The following KSR2 variants were observed in gnomAD, a reference collection of about 807,000 sequenced individuals.
The protein encoded by KSR2 is kinase suppressor of ras 2.
In KSR2, 25 loss-of-function variants were observed where a neutral mutation model predicts 107.8. The ratio of observed to expected loss-of-function variants is 0.23; its 90% CI spans 0.17 to 0.32. The LOEUF (loss-of-function observed/expected upper bound fraction) is 0.32. KSR2 is among the 10% of genes least tolerant of loss of function. KSR2 has a pLI of 1.00. For synonymous variants in KSR2, 480 were observed against 507.0 expected, an observed-to-expected ratio of 0.95 and a Z score of 0.71; for missense variants, 887 against 1,268.9, an observed-to-expected ratio of 0.70 and a Z score of 4.57.
intron 14 of KSR2, among the ~76,000 whole-genome samples, chr12:117,507,918 G>A (rs554562042): frequency 4.9e-4 from 75 of 152,106 alleles, no homozygotes; most frequent in African/African-American, 1.6e-3. Context: ...CCCTGTCCCC[G>A]TGGCCCAAGC....
chr12:117,831,387 T>C (rs1028155997), intron 3 of KSR2, among the ~76,000 whole-genome samples: 3 of 152,230 alleles, frequency 2.0e-5, no homozygotes, highest in Admixed American at 6.5e-5. Context: ...AGGGCACCTC[T>C]TCTTTGCCTC....
At chr12:117,616,003 A>G (rs535349260) in intron 5 of KSR2, among the ~76,000 whole-genome samples, 1 of 151,998 alleles carries the variant, frequency 6.6e-6, no homozygotes, top group South Asian at 2.1e-4. Context: ...AAAACACAAA[A>G]CTTAGCTAGG....
chr12:117,469,053 G>A (rs1343246883), intron 19 of KSR2, among the ~76,000 whole-genome samples: 2 of 152,184 alleles, frequency 1.3e-5, no homozygotes, highest in Non-Finnish European at 2.9e-5. Flanking sequence ...AGTCATGGAA[G>A]CTGGGGCTGT....
intron 5 of KSR2, among the ~76,000 whole-genome samples, chr12:117,588,884 T>G (rs186626698): frequency 6.6e-6 from 1 of 152,334 alleles, no homozygotes; most frequent in East Asian, 1.9e-4. Context: ...AGTGGGATAA[T>G]GCACACAGAG....
At chr12:117,495,007 A>G (rs529787102) in intron 14 of KSR2, among the ~76,000 whole-genome samples, 1 of 152,342 alleles carries the variant, frequency 6.6e-6, no homozygotes, top group African/African-American at 2.4e-5. Flanking sequence ...GCTACTCTCT[A>G]CAGGTGTTTG....
intron 3 of KSR2, among the ~76,000 whole-genome samples, chr12:117,784,616 C>A (rs1890000407): frequency 6.6e-6 from 1 of 152,132 alleles, no homozygotes; most frequent in Non-Finnish European, 1.5e-5. Context: ...ATCTTTAAGT[C>A]CATTGCACCC....
At chr12:117,746,886 C>T (rs988373208) in intron 4 of KSR2, among the ~76,000 whole-genome samples, 2 of 151,842 alleles carry the variant, frequency 1.3e-5, no homozygotes, top group Non-Finnish European at 2.9e-5. Context: ...AATGAGATAC[C>T]ATCTCATGCC....
intron 3 of KSR2, among the ~76,000 whole-genome samples, chr12:117,847,080 A>G (rs929106745): frequency 2.6e-5 from 4 of 152,276 alleles, no homozygotes; most frequent in Non-Finnish European, 4.4e-5. Flanking sequence ...CCTACAGAAC[A>G]GGAGGGCTGG....
intron 5 of KSR2, among the ~76,000 whole-genome samples, chr12:117,656,976 A>AT (rs1266595107): frequency 2.6e-4 from 19 of 72,938 alleles, no homozygotes; most frequent in African/African-American, 3.4e-4. Flanking sequence ...ATATATATAT[A>AT]ATAGGATATA....
At chr12:117,636,781 A>G (rs911129511) in intron 5 of KSR2, among the ~76,000 whole-genome samples, 1 of 152,238 alleles carries the variant, frequency 6.6e-6, no homozygotes, top group African/African-American at 2.4e-5. Context: ...TTAAAAGTCA[A>G]CACCATAAAG....
intron 7 of KSR2, among the ~76,000 whole-genome samples, chr12:117,577,529 G>A (rs1879358886): frequency 6.6e-6 from 1 of 152,130 alleles, no homozygotes; most frequent in African/African-American, 2.4e-5. Context: ...TTATGCTGCT[G>A]ATAAAGACAT....
At chr12:117,674,271 CCTT>C (rs761124464) in intron 4 of KSR2, 5 of 507,346 alleles carry the variant, frequency 9.9e-6, no homozygotes, top group Non-Finnish European at 1.6e-5. Flanking sequence ...CAAGCCACCA[CCTT>C]CTTCTCACCT....
At position 117,865,195 on chromosome 12, in the gene KSR2, T is replaced by TG. The variant is rs1312647822; in HGVS notation, c.181-4765dup. ...TTTAAAGTACAGGTTACAGTTATAC[T>TG]GCAAGATAATGTACTTTTAATCGGA... is the stretch of plus-strand genomic sequence containing the variant. On this transcript the variant is annotated intron_variant, in intron 1 of 19. Coordinates refer to ENST00000339824, the MANE Select transcript of KSR2 (RefSeq NM_173598.6). 1.2e-4 allele frequency among the ~76,000 whole-genome samples: 18 copies of TG among 152,356 alleles called. No homozygotes were observed. The East Asian group carries it at 1.9e-3, about 16-fold the overall frequency.
At chr12:117,915,506 T>A (rs183917437) in intron 1 of KSR2, among the ~76,000 whole-genome samples, 1 of 152,310 alleles carries the variant, frequency 6.6e-6, no homozygotes, top group East Asian at 1.9e-4. Context: ...TGACAGTCCA[T>A]TCGTTCCTTT....
In KSR2 at chr12:117,466,864, T is replaced by A. The variant is rs375470614; in HGVS notation, c.*335A>T. The A allele has an allele frequency of 3.6e-4, 110 of 307,428 alleles. No individual in the cohort carries two copies. The highest frequency in any genetic ancestry group is 2.2e-3 in the African/African-American group (102 of 46,718). The allele number at this position is 307,428 out of a possible 1,614,324, so 19.0% of individuals were successfully genotyped here. ...AGCCCCGTCTGTGAGCCCCCCCACG[T>A]GGGGTCTCCTGTCCTAGTCCCATAG... On this transcript the variant is annotated 3_prime_UTR_variant, in exon 20 of 20. Transcript: ENST00000339824.
At chr12:117,573,016 G>T (rs867485155) in intron 7 of KSR2, among the ~76,000 whole-genome samples, 8 of 152,312 alleles carry the variant, frequency 5.3e-5, no homozygotes, top group African/African-American at 1.9e-4. Flanking sequence ...TACACTCAGA[G>T]CTAAACTCCA....
intron 8 of KSR2, among the ~76,000 whole-genome samples, chr12:117,557,668 G>C (rs1366016952): frequency 6.6e-6 from 1 of 152,184 alleles, no homozygotes; most frequent in Non-Finnish European, 1.5e-5. Flanking sequence ...TGGTGGGACT[G>C]AGTAATTAAA....
intron 4 of KSR2, among the ~76,000 whole-genome samples, chr12:117,719,391 T>G (rs548342780): frequency 3.9e-5 from 6 of 152,324 alleles, no homozygotes; most frequent in South Asian, 2.1e-4. Flanking sequence ...AGACAGGGTT[T>G]CACCATGTTG....
chr12:117,855,765 T>C (rs1893083575), intron 2 of KSR2, among the ~76,000 whole-genome samples, 187 bp from the exon 3 acceptor site: 2 of 152,156 alleles, frequency 1.3e-5, no homozygotes, highest in Admixed American at 1.3e-4. Flanking sequence ...TCAACCTCTC[T>C]GGGCCTCACT....
Sources: allele counts gnomAD v4.1 joint callset (sites outside exome capture counted in the v4.1 genomes callset), GRCh38; gene constraint gnomAD v4.1.1; transcripts MANE v1.5; gene names NCBI Gene and HGNC (gene_info 2026-07-23, HGNC 2026-07-21).